RBFOX3: variants seen among roughly 807,000 people sequenced by gnomAD.
RBFOX3 encodes the protein RNA binding protein fox-1 homolog 3.
RBFOX3 carries 17 observed loss-of-function variants against 48.7 expected under a neutral mutation model. The ratio of observed to expected loss-of-function variants is 0.35; its 90% CI spans 0.24 to 0.52. RBFOX3 has a LOEUF of 0.52. Ranked by LOEUF, RBFOX3 falls within the 20% of genes least tolerant of loss-of-function variation. The pLI, the probability that RBFOX3 is intolerant of heterozygous loss-of-function variation, is 0.94. For missense variants in RBFOX3, 382 were observed against 497.5 expected, an observed-to-expected ratio of 0.77 and a Z score of 2.21; for synonymous variants, 212 against 209.5, an observed-to-expected ratio of 1.01 and a Z score of -0.10.
At chr17:79,248,711 G>A (rs1360613462) in intron 3 of RBFOX3, among the ~76,000 whole-genome samples, 1 of 152,164 alleles carries the variant, frequency 6.6e-6, no homozygotes, top group Non-Finnish European at 1.5e-5. Flanking sequence ...AACCCTATCG[G>A]GGGGTGCTTG....
intron 2 of RBFOX3, among the ~76,000 whole-genome samples, chr17:79,408,084 G>A (rs924912164): frequency 2.6e-5 from 4 of 152,156 alleles, no homozygotes; most frequent in Non-Finnish European, 4.4e-5. Flanking sequence ...ACCCCAGGAA[G>A]CTGCTTCTGA....
intron 1 of RBFOX3, among the ~76,000 whole-genome samples, chr17:79,537,842 C>A (rs763996964): frequency 1.1e-4 from 16 of 152,214 alleles, no homozygotes; most frequent in Non-Finnish European, 2.2e-4. Flanking sequence ...CTCTCCTACA[C>A]CAAGTCACAG....
intron 1 of RBFOX3, among the ~76,000 whole-genome samples, chr17:79,487,913 G>GAAAAAAAAAAAAAAAAAAAA (rs60345819): frequency 7.8e-5 from 6 of 76,912 alleles, no homozygotes; most frequent in African/African-American, 2.7e-4. Flanking sequence ...CCCCATCTCA[G>GAAAAAAAAAAAAAAAAAAAA]AAAAAAAAAA....
intron 2 of RBFOX3, among the ~76,000 whole-genome samples, chr17:79,323,530 G>A (rs2078858086): frequency 6.6e-6 from 1 of 152,250 alleles, no homozygotes; most frequent in Admixed American, 6.5e-5. Flanking sequence ...TTTGCAGCCA[G>A]GAGAAGGGCT....
intron 3 of RBFOX3, among the ~76,000 whole-genome samples, chr17:79,298,700 C>A (rs2278967): frequency 0.53 from 79,829 of 151,982 alleles, 21,250 homozygotes; most frequent in Middle Eastern, 0.66. Context: ...GTCATCTCGC[C>A]GGCAGGGCCC....
the RBFOX3 span, among the ~76,000 whole-genome samples, chr17:79,637,044 T>A: frequency 6.6e-6 from 1 of 152,200 alleles, no homozygotes. Flanking sequence ...AGTCAAAAAC[T>A]GTTATAAGAG....
chr17:79,391,259 C>T lies in RBFOX3; in HGVS notation c.-174-83435G>A, dbSNP rs1696237487. Among the ~76,000 whole-genome samples the T allele has an allele frequency of 6.6e-6, 1 of 152,130 alleles. No homozygotes were observed. ...TGAAATCCAAATTCCTTAGCGCAACCCCCAAGCTGGGGTCTCAGCTCCAGC... is the reference window on the plus strand; with the variant it reads ...TGAAATCCAAATTCCTTAGCGCAACTCCCAAGCTGGGGTCTCAGCTCCAGC... On this transcript the variant is annotated intron_variant, in intron 2 of 14. Transcript: ENST00000693108. The surrounding 1 kb of genome is among the most constrained non-coding windows in gnomAD (Gnocchi z 5.0).
At chr17:79,167,786 C>T (rs886899158) in intron 4 of RBFOX3, among the ~76,000 whole-genome samples, 31 of 152,352 alleles carry the variant, frequency 2.0e-4, no homozygotes, top group African/African-American at 6.3e-4. Flanking sequence ...ACCCCGGAGC[C>T]GGAGCACGGG....
intron 4 of RBFOX3, among the ~76,000 whole-genome samples, chr17:79,164,488 C>A (rs757865665): frequency 6.6e-6 from 1 of 152,198 alleles, no homozygotes; most frequent in Non-Finnish European, 1.5e-5. Context: ...CGGCACTTCA[C>A]CCCTTCAGTC....
intron 5 of RBFOX3, among the ~76,000 whole-genome samples, chr17:79,110,088 C>T (rs1296287405): frequency 6.6e-6 from 1 of 151,462 alleles, no homozygotes; most frequent in Non-Finnish European, 1.5e-5. Context: ...CAGCAGCCTC[C>T]ACCGCCTTTC....
chr17:79,520,352 G>A (rs955166650), intron 1 of RBFOX3, among the ~76,000 whole-genome samples: 185 of 152,322 alleles, frequency 1.2e-3, no homozygotes, highest in African/African-American at 3.6e-3. Flanking sequence ...CTGCATCTCC[G>A]GGGACAGCAG....
At chr17:79,640,548 T>G in the RBFOX3 span, among the ~76,000 whole-genome samples, 1 of 150,448 alleles carries the variant, frequency 6.6e-6, no homozygotes, top group Non-Finnish European at 1.5e-5. Context: ...ACTTCTTGAT[T>G]TCAAATATCA....
chr17:79,525,795 G>A (rs1287080556), intron 1 of RBFOX3, among the ~76,000 whole-genome samples: 2 of 152,154 alleles, frequency 1.3e-5, no homozygotes, highest in African/African-American at 4.8e-5. Flanking sequence ...ATTCAAAAGG[G>A]ATCAAAACAT....
intron 2 of RBFOX3, among the ~76,000 whole-genome samples, chr17:79,406,258 C>T (rs2063519906): frequency 6.6e-6 from 1 of 152,162 alleles, no homozygotes; most frequent in South Asian, 2.1e-4. Context: ...TCTCTTTTTG[C>T]TCGTTCTCCC....
chr17:79,622,874 T>C, the RBFOX3 span, among the ~76,000 whole-genome samples: 1 of 152,176 alleles, frequency 6.6e-6, no homozygotes, highest in Non-Finnish European at 1.5e-5. Flanking sequence ...ACAGCCACAG[T>C]GGTTCCTGTT....
intron 2 of RBFOX3, among the ~76,000 whole-genome samples, chr17:79,393,466 C>T (rs1057237742): frequency 1.3e-5 from 2 of 152,256 alleles, no homozygotes; most frequent in African/African-American, 4.8e-5. Context: ...CGCCACCTCG[C>T]GGCGCTGGCT....
intron 2 of RBFOX3, among the ~76,000 whole-genome samples, chr17:79,470,531 C>A (rs2076933336): frequency 6.6e-6 from 1 of 152,180 alleles, no homozygotes; most frequent in Non-Finnish European, 1.5e-5. Flanking sequence ...TCAGCACACA[C>A]ATGCATCTAA....
chr17:79,432,881 G>T (rs2068714071), intron 2 of RBFOX3, among the ~76,000 whole-genome samples: 1 of 152,254 alleles, frequency 6.6e-6, no homozygotes. Context: ...GGTCCCTGAA[G>T]ATCGGTGCTT....
At chr17:79,650,112 G>A in the RBFOX3 span, among the ~76,000 whole-genome samples, 1 of 152,136 alleles carries the variant, frequency 6.6e-6, no homozygotes, top group Non-Finnish European at 1.5e-5. Flanking sequence ...GCCTGTGCAA[G>A]GACCTCTCAT....
Sources: gnomAD v4.1 joint callset for allele counts (sites outside exome capture counted in the v4.1 genomes callset) on GRCh38, gnomAD v4.1.1 for gene constraint, Gnocchi (gnomAD v3.1) non-coding constraint, MANE v1.5 for transcripts, NCBI Gene and HGNC (gene_info 2026-07-23, HGNC 2026-07-21) for gene names.